The following DYNC1I1 variants were observed in gnomAD, a reference collection of about 807,000 sequenced individuals.
DYNC1I1 encodes dynein cytoplasmic 1 intermediate chain 1, also known as cytoplasmic dynein 1 intermediate chain 1.
In DYNC1I1, 43 loss-of-function variants were observed where a neutral mutation model predicts 86.6. That is an observed-to-expected ratio of 0.50 (90% confidence interval 0.39 to 0.64). The LOEUF (loss-of-function observed/expected upper bound fraction) is 0.64, where lower values mean the gene tolerates loss of function less well. Ranked by LOEUF, DYNC1I1 falls within the 30% of genes least tolerant of loss-of-function variation. The pLI, the probability that DYNC1I1 is intolerant of heterozygous loss-of-function variation, is 0.00. For synonymous variants in DYNC1I1, 262 were observed against 283.7 expected, an observed-to-expected ratio of 0.92 and a Z score of 0.77; for missense variants, 604 against 788.8, an observed-to-expected ratio of 0.77 and a Z score of 2.81.
intron 6 of DYNC1I1, among the ~76,000 whole-genome samples, chr7:95,930,751 G>A (rs896059857): frequency 1.3e-5 from 2 of 152,248 alleles, no homozygotes; most frequent in Non-Finnish European, 2.9e-5. Flanking sequence ...TAGGATGTCC[G>A]TAAAGTCCTC....
chr7:95,785,210 G>A (rs567540541), intron 1 of DYNC1I1, among the ~76,000 whole-genome samples: 5 of 152,140 alleles, frequency 3.3e-5, no homozygotes, highest in South Asian at 2.1e-4. Flanking sequence ...TCAGGAGTTC[G>A]AGACCAGCCT....
downstream of DYNC1I1, among the ~76,000 whole-genome samples, chr7:96,100,650 T>TTGTGTGTG (rs57129262): frequency 0.023 from 3,220 of 142,918 alleles, 86 homozygotes; most frequent in African/African-American, 0.062. Flanking sequence ...TTTGAGGGTT[T>TTGTGTGTG]TGTGTGTGTG....
At chr7:95,943,697 C>A (rs538435223) in intron 6 of DYNC1I1, among the ~76,000 whole-genome samples, 1 of 150,992 alleles carries the variant, frequency 6.6e-6, no homozygotes, top group South Asian at 2.1e-4. Context: ...TGGAACAGAA[C>A]GGAGCCCTCA....
intron 6 of DYNC1I1, among the ~76,000 whole-genome samples, chr7:95,876,868 T>TA (rs1489739043): frequency 6.6e-6 from 1 of 152,028 alleles, no homozygotes; most frequent in African/African-American, 2.4e-5. Flanking sequence ...GTAAAATTGG[T>TA]AAAAATGATA....
chr7:95,810,293 C>T (rs947015724), intron 2 of DYNC1I1, 99 bp from the exon 3 acceptor site: 2 of 890,190 alleles, frequency 2.2e-6, no homozygotes, highest in Non-Finnish European at 1.7e-6. Context: ...GGGCTTTCAC[C>T]TTGTCTTCAC....
At chr7:95,922,858 CT>C in intron 6 of DYNC1I1, among the ~76,000 whole-genome samples, 1 of 150,840 alleles carries the variant, frequency 6.6e-6, no homozygotes, top group Non-Finnish European at 1.5e-5. Flanking sequence ...ATTTTTTTTT[CT>C]AAAAATGGAA....
intron 14 of DYNC1I1, among the ~76,000 whole-genome samples, chr7:96,047,022 C>A (rs1017143669): frequency 1.4e-4 from 22 of 152,184 alleles, no homozygotes; most frequent in Admixed American, 5.9e-4. Flanking sequence ...GCTCACAGTT[C>A]TGGAGGCTGA....
intron 14 of DYNC1I1, among the ~76,000 whole-genome samples, chr7:96,061,698 T>TCC (rs1293680661): frequency 6.4e-5 from 8 of 124,316 alleles, no homozygotes; most frequent in Non-Finnish European, 9.9e-5. Context: ...TCCCTCCCTC[T>TCC]CTCTCTCTCT....
intron 6 of DYNC1I1, among the ~76,000 whole-genome samples, chr7:95,937,276 A>G (rs1792071190): frequency 6.8e-6 from 1 of 146,946 alleles, no homozygotes; most frequent in South Asian, 2.6e-4. Context: ...ACCATAGTAT[A>G]TTGGATACTT....
chr7:95,970,810 C>T (rs572128043), intron 6 of DYNC1I1, among the ~76,000 whole-genome samples: 370 of 152,158 alleles, frequency 2.4e-3, no homozygotes, highest in South Asian at 0.014. Context: ...TAATTTTACA[C>T]GGTATGAGAT....
intron 14 of DYNC1I1, among the ~76,000 whole-genome samples, chr7:96,043,483 G>A (rs1203759820): frequency 6.6e-6 from 1 of 150,430 alleles, no homozygotes; most frequent in Non-Finnish European, 1.5e-5. Flanking sequence ...TTTAGTTTCT[G>A]CAACAAAACC....
intron 14 of DYNC1I1, among the ~76,000 whole-genome samples, chr7:96,045,689 G>A (rs1789189241): frequency 6.6e-6 from 1 of 152,160 alleles, no homozygotes; most frequent in Admixed American, 6.5e-5. Flanking sequence ...GCAGAGCTAG[G>A]ATTCCACTGA....
At chr7:95,912,088 G>A (rs577344440) in intron 6 of DYNC1I1, among the ~76,000 whole-genome samples, 17 of 152,094 alleles carry the variant, frequency 1.1e-4, no homozygotes, top group African/African-American at 4.1e-4. Context: ...CTGGGCTGGA[G>A]TGCAGTGGTG....
intron 10 of DYNC1I1, among the ~76,000 whole-genome samples, chr7:96,025,843 G>GC (rs1794666986): frequency 1.3e-5 from 2 of 151,550 alleles, no homozygotes; most frequent in African/African-American, 4.8e-5. Context: ...AAGCTTGCGG[G>GC]GGGGGGATAT....
At chr7:95,919,740 A>C (rs540740184) in intron 6 of DYNC1I1, among the ~76,000 whole-genome samples, 2 of 152,334 alleles carry the variant, frequency 1.3e-5, no homozygotes, top group South Asian at 4.1e-4. Context: ...AATTTGGGGA[A>C]AAATATGAAG....
chr7:95,945,460 G>A (rs909517640), intron 6 of DYNC1I1, among the ~76,000 whole-genome samples: 6 of 151,994 alleles, frequency 3.9e-5, no homozygotes, highest in Non-Finnish European at 7.4e-5. Context: ...CTTAAATCTT[G>A]ATAAAAGAGA....
intron 3 of DYNC1I1, among the ~76,000 whole-genome samples, chr7:95,812,819 ATTTAATAACCT>A (rs1288206134): frequency 6.6e-6 from 1 of 152,112 alleles, no homozygotes; most frequent in Admixed American, 6.6e-5. Flanking sequence ...AGAATCACTT[ATTTAATAACCT>A]TTTAAAGTTT....
At chr7:96,084,908 G>C (rs1390972833) in intron 16 of DYNC1I1, among the ~76,000 whole-genome samples, 1 of 152,138 alleles carries the variant, frequency 6.6e-6, no homozygotes, top group African/African-American at 2.4e-5. Context: ...TTTGGGGAAA[G>C]ATCTCTGAGA....
chr7:96,090,134 C>T (rs540087073), intron 16 of DYNC1I1, among the ~76,000 whole-genome samples: 4 of 152,052 alleles, frequency 2.6e-5, no homozygotes, highest in African/African-American at 7.2e-5. Flanking sequence ...AAAAATAAGG[C>T]GAAAAGATTT....
Sources: allele counts gnomAD v4.1 joint callset (sites outside exome capture counted in the v4.1 genomes callset), GRCh38; gene constraint gnomAD v4.1.1; transcripts MANE v1.5; gene names NCBI Gene and HGNC (gene_info 2026-07-23, HGNC 2026-07-21).